Variants in CHEK2 observed in about 807,000 individuals in gnomAD.
CHEK2 encodes checkpoint kinase 2.
CHEK2 carries 71 observed loss-of-function variants against 69.1 expected under a neutral mutation model. The ratio of observed to expected loss-of-function variants is 1.03; its 90% CI spans 0.85 to 1.25. The LOEUF is 1.25. Ranked by LOEUF, CHEK2 falls within the 50% of genes most tolerant of loss-of-function variation. CHEK2 has a pLI of 0.00. For missense variants in CHEK2, 664 were observed against 649.6 expected, an observed-to-expected ratio of 1.02 and a Z score of -0.24; for synonymous variants, 189 against 226.9, an observed-to-expected ratio of 0.83 and a Z score of 1.50.
intron 4 of CHEK2, among the ~76,000 whole-genome samples, chr22:28,722,555 A>AAAAAG (rs1320427841): frequency 1.3e-4 from 19 of 146,688 alleles, no homozygotes; most frequent in South Asian, 2.1e-4. Context: ...AAAAAAAAAA[A>AAAAAG]AAAAGAAAAG....
chr22:28,715,568 T>G (rs1293437528), intron 5 of CHEK2, among the ~76,000 whole-genome samples: 4 of 151,556 alleles, frequency 2.6e-5, no homozygotes, highest in Non-Finnish European at 5.9e-5. Flanking sequence ...TACAGACATA[T>G]GCCACCACAC....
At chr22:28,714,616 G>A (rs1480330034) in intron 5 of CHEK2, among the ~76,000 whole-genome samples, 1 of 151,998 alleles carries the variant, frequency 6.6e-6, no homozygotes, top group Non-Finnish European at 1.5e-5. Context: ...GGTATCTTTT[G>A]AGGCACAAAA....
intron 1 of CHEK2, among the ~76,000 whole-genome samples, chr22:28,739,136 G>T (rs1031648446): frequency 7.9e-5 from 12 of 152,024 alleles, no homozygotes; most frequent in African/African-American, 2.4e-4. Context: ...TGGGCATGGT[G>T]GCCCGTGCCT....
intron 6 of CHEK2, among the ~76,000 whole-genome samples, chr22:28,710,963 T>C (rs927015595): frequency 4.6e-5 from 7 of 152,124 alleles, no homozygotes; most frequent in Non-Finnish European, 7.4e-5. Context: ...CTTAGAATCA[T>C]AGGGGAAAAG....
chr22:28,725,103 A>G lies in CHEK2; in HGVS notation c.466T>C (p.Tyr156His), dbSNP rs2053948136. The part of the protein sequence containing the change: ...IFREVGPKNS[Y>H]IAYIEDHSGN... ...CTGTGATCTTCTATGTATGCAATGT[A>G]AGAGTTTTTAGGACCCACTTCCTAA... Residue 156 changes from tyrosine to histidine, a missense_variant, in exon 4 of 15, where the codon TAC becomes CAC. Physicochemically the swap from Tyr to His is moderately conservative, Grantham distance 83. Transcript: ENST00000404276. 1 of 1,614,146 alleles carries G rather than the reference A, an allele frequency of 6.2e-7. No homozygotes were observed. Among genetic ancestry groups the G allele is most frequent in the Middle Eastern group, 1.6e-4 (1 of 6,062 alleles).
rs191102200 is a variant in CHEK2 at position 28,732,135 on chromosome 22, G to T, written c.319+2268C>A. ...TTTTTTTTCTTTTTTTTTTGAGATG[G>T]AGTTTCGCTCTTGTTGCCCAGGCTG... On this transcript the variant is annotated intron_variant, in intron 2 of 14. Coordinates refer to ENST00000404276, the MANE Select transcript of CHEK2 (RefSeq NM_007194.4). Among the ~76,000 whole-genome samples, 1,123 of 151,480 alleles carry T rather than the reference G, an allele frequency of 7.4e-3. 15 individuals carry two copies. Among genetic ancestry groups the T allele is most frequent in the African/African-American group, 0.026 (1,082 of 41,274 alleles).
intron 5 of CHEK2, among the ~76,000 whole-genome samples, chr22:28,717,534 G>C (rs2053625430): frequency 6.6e-6 from 1 of 151,728 alleles, no homozygotes; most frequent in African/African-American, 2.4e-5. Flanking sequence ...AGGAGTTCGA[G>C]ACAAGCCTAG....
At chr22:28,715,672 G>A (rs1391366124) in intron 5 of CHEK2, among the ~76,000 whole-genome samples, 1 of 151,934 alleles carries the variant, frequency 6.6e-6, no homozygotes, top group Admixed American at 6.6e-5. Context: ...CACCAGCCTC[G>A]GCCTCCCAAA....
intron 2 of CHEK2, chr22:28,730,571 A>C: frequency 4.4e-6 from 3 of 684,162 alleles, no homozygotes; most frequent in East Asian, 2.7e-5. Flanking sequence ...AAAATAAAAA[A>C]GTTAGGCCAG....
At position 28,723,813 on chromosome 22, in the gene CHEK2, G is replaced by A. The variant is rs144507404; in HGVS notation, c.592+1164C>T. On this transcript the variant is annotated intron_variant, in intron 4 of 14. Coordinates refer to ENST00000404276, the MANE Select transcript of CHEK2 (RefSeq NM_007194.4). ...AAATACAAAAAATTAGCCAGGCGTGGTGGCATGTGTCTGTGGTCACAGCTA... is the reference window on the plus strand; with the variant it reads ...AAATACAAAAAATTAGCCAGGCGTGATGGCATGTGTCTGTGGTCACAGCTA... Among the ~76,000 whole-genome samples the A allele has an allele frequency of 7.4e-3, 1,130 of 152,016 alleles. 16 individuals carry two copies. The highest frequency in any genetic ancestry group is 0.026 in the African/African-American group (1,089 of 41,460).
chr22:28,741,637 A>G (rs1165738000), intron 1 of CHEK2, 132 bp downstream of exon 1: 1 of 173,920 alleles, frequency 5.7e-6, no homozygotes, highest in Non-Finnish European at 1.2e-5. Context: ...AAAGGAAGAG[A>G]GTCGCCCACA....
At chr22:28,724,227 G>A (rs1332937553) in intron 4 of CHEK2, among the ~76,000 whole-genome samples, 1 of 151,908 alleles carries the variant, frequency 6.6e-6, no homozygotes, top group Non-Finnish European at 1.5e-5. Flanking sequence ...CCAACACAGT[G>A]AAACCCCGTC....
intron 8 of CHEK2, among the ~76,000 whole-genome samples, chr22:28,701,674 T>C (rs892398945): frequency 6.6e-6 from 1 of 152,164 alleles, no homozygotes; most frequent in African/African-American, 2.4e-5. Flanking sequence ...CAGGAAGTTA[T>C]TCTGATTACA....
chr22:28,708,338 A>T (rs2053236077), intron 7 of CHEK2, among the ~76,000 whole-genome samples: 1 of 147,290 alleles, frequency 6.8e-6, no homozygotes, highest in East Asian at 2.0e-4. Context: ...AGCCTGGGTA[A>T]CAGAGACAGA....
intron 7 of CHEK2, chr22:28,708,951 TCAA>T (rs1569136194): frequency 8.9e-6 from 2 of 225,486 alleles, no homozygotes; most frequent in Non-Finnish European, 8.3e-6. Context: ...AGCCTCCGTC[TCAA>T]AAAAAAAAAA....
At chr22:28,708,922 C>T in intron 7 of CHEK2, 1 of 358,484 alleles carries the variant, frequency 2.8e-6, no homozygotes, top group Non-Finnish European at 5.4e-6. Flanking sequence ...CACTGTACTC[C>T]AGCCTGGGTG....
chr22:28,720,092 ATTT>A (rs66862903), intron 4 of CHEK2, among the ~76,000 whole-genome samples: 9 of 134,484 alleles, frequency 6.7e-5, no homozygotes, highest in South Asian at 4.7e-4. Flanking sequence ...AAAAAAAGTA[ATTT>A]TTTTTTTTTT....
intron 2 of CHEK2, among the ~76,000 whole-genome samples, chr22:28,731,048 A>T (rs1252326894): frequency 6.6e-6 from 1 of 151,930 alleles, no homozygotes; most frequent in Non-Finnish European, 1.5e-5. Context: ...CCAAGAATAC[A>T]AAAAGTTAGC....
At chr22:28,696,361 G>A (rs2052585785) in intron 10 of CHEK2, among the ~76,000 whole-genome samples, 1 of 152,196 alleles carries the variant, frequency 6.6e-6, no homozygotes, top group Non-Finnish European at 1.5e-5. Flanking sequence ...GGCAGCGCAT[G>A]TGATTACTCA....
Sources: gnomAD v4.1 joint callset for allele counts (sites outside exome capture counted in the v4.1 genomes callset) on GRCh38, gnomAD v4.1.1 for gene constraint, MANE v1.5 for transcripts, NCBI Gene and HGNC (gene_info 2026-07-23, HGNC 2026-07-21) for gene names.